The following VPS50 variants were observed in gnomAD, a reference collection of about 807,000 sequenced individuals.
VPS50 encodes VPS50 subunit of EARP/GARPII complex.
In VPS50, 70 loss-of-function variants were observed where a neutral mutation model predicts 139.7. That is an observed-to-expected ratio of 0.50 (90% confidence interval 0.41 to 0.61). The LOEUF (loss-of-function observed/expected upper bound fraction) is 0.61, where lower values mean the gene tolerates loss of function less well. Ranked by LOEUF, VPS50 falls within the 20% of genes least tolerant of loss-of-function variation. The pLI, the probability that VPS50 is intolerant of heterozygous loss-of-function variation, is 0.00. For missense variants in VPS50, 921 were observed against 1,133.7 expected (o/e 0.81, Z 2.69); for synonymous variants, 365 against 376.7 (o/e 0.97, Z 0.36).
intron 9 of VPS50, among the ~76,000 whole-genome samples, chr7:93,263,650 CT>C (rs1795753529): frequency 6.6e-6 from 1 of 152,162 alleles, no homozygotes; most frequent in South Asian, 2.1e-4. Context: ...AGGACTGACT[CT>C]TATGATTCTG....
chr7:93,250,378 T>C (rs1010451508), intron 2 of VPS50, among the ~76,000 whole-genome samples: 1 of 152,164 alleles, frequency 6.6e-6, no homozygotes. Flanking sequence ...TAAAATAATC[T>C]AGAATGTCTC....
chr7:93,251,507 G>T (rs1369709938), intron 2 of VPS50, among the ~76,000 whole-genome samples: 1 of 151,082 alleles, frequency 6.6e-6, no homozygotes, highest in African/African-American at 2.4e-5. Context: ...TCACACACTG[G>T]GGCTTATTGG....
chr7:93,323,803 T>C, intron 21 of VPS50, 71 bp downstream of exon 21: 1 of 788,600 alleles, frequency 1.3e-6, no homozygotes, highest in Non-Finnish European at 1.9e-6. Flanking sequence ...AGTTTTTCAT[T>C]CTCTCTATAG....
At chr7:93,340,051 A>G (rs1415987927) in intron 22 of VPS50, among the ~76,000 whole-genome samples, 2 of 152,164 alleles carry the variant, frequency 1.3e-5, no homozygotes, top group Non-Finnish European at 2.9e-5. Flanking sequence ...TTGGTTATAA[A>G]AGTTCTTAAT....
At position 93,232,473 on chromosome 7, in the gene VPS50, A is replaced by G. The variant is rs915269106; in HGVS notation, c.6A>G (p.Gln2=). The change falls in exon 1 of 28, where the codon CAA becomes CAG. Residue 2 remains glutamine, a synonymous_variant. Transcript: ENST00000305866. M[Q]KIKSLMTRQG... ...ACCCTCCTCAGGATTTCGATATGCA[A>G]AAAATCAAATCTCTCATGACCCGAC... 3.7e-6 allele frequency: 6 copies of G among 1,613,546 alleles called. No individual in the cohort carries two copies. The highest frequency in any genetic ancestry group is 1.7e-5 in the Admixed American group (1 of 60,016).
chr7:93,235,374 T>C (rs1794768283), intron 1 of VPS50, among the ~76,000 whole-genome samples: 2 of 152,054 alleles, frequency 1.3e-5, no homozygotes, highest in Admixed American at 1.3e-4. Flanking sequence ...AATAGAGGAA[T>C]GATATAATTG....
At position 93,270,972 on chromosome 7, in the gene VPS50, G is replaced by GT. The variant is rs996574988; in HGVS notation, c.660-241dup. On this transcript the variant is annotated intron_variant, in intron 9 of 27. Transcript: ENST00000305866. Reference sequence around the variant, plus strand: ...AAAAGTTACCAATTTTAATTCTTCAGTTTTTTTATTTTTATCTGTAGATTC... The same window carrying GT: ...AAAAGTTACCAATTTTAATTCTTCAGTTTTTTTTATTTTTATCTGTAGATTC... 1.3e-5 allele frequency: 5 copies of GT among 393,026 alleles called. No individual in the cohort carries two copies. In the East Asian group the frequency reaches 2.0e-4, roughly 15 times the overall value. The allele number at this position is 393,026 out of a possible 1,614,324, so 24.3% of individuals were successfully genotyped here.
intron 1 of VPS50, among the ~76,000 whole-genome samples, chr7:93,233,391 A>C (rs1352227588): frequency 6.6e-6 from 1 of 152,206 alleles, no homozygotes; most frequent in Non-Finnish European, 1.5e-5. Flanking sequence ...AAGTTTGGAG[A>C]ATGTGGAAGG....
At chr7:93,311,385 G>T in intron 20 of VPS50, 113 bp downstream of exon 20, 2 of 608,488 alleles carry the variant, frequency 3.3e-6, no homozygotes, top group Non-Finnish European at 2.9e-6. Context: ...ATGCAATGAG[G>T]GATTTAAGGT....
intron 9 of VPS50, among the ~76,000 whole-genome samples, chr7:93,263,581 T>G (rs1444036845): frequency 6.6e-6 from 1 of 152,220 alleles, no homozygotes; most frequent in Non-Finnish European, 1.5e-5. Flanking sequence ...GTTTTTGTTT[T>G]TGGTAGAGTG....
chr7:93,324,613 G>A (rs1202520724), intron 21 of VPS50, among the ~76,000 whole-genome samples: 2 of 152,032 alleles, frequency 1.3e-5, no homozygotes, highest in Non-Finnish European at 2.9e-5. Context: ...TATTGAACCA[G>A]CCTTGCAAAA....
intron 16 of VPS50, among the ~76,000 whole-genome samples, chr7:93,301,606 C>T (rs2116963775): frequency 6.6e-6 from 1 of 152,262 alleles, no homozygotes; most frequent in South Asian, 2.1e-4. Context: ...AGACAGGAAG[C>T]AGATTATCCC....
chr7:93,250,026 A>G (rs1048987098), intron 2 of VPS50, among the ~76,000 whole-genome samples: 4 of 151,198 alleles, frequency 2.6e-5, no homozygotes, highest in African/African-American at 4.9e-5. Flanking sequence ...TCTTACTGCA[A>G]TCATAGTAAC....
chr7:93,249,135 A>C (rs1795241954), intron 2 of VPS50, among the ~76,000 whole-genome samples: 1 of 152,126 alleles, frequency 6.6e-6, no homozygotes. Context: ...CTAATTGCTT[A>C]GTTCTTTAGG....
intron 11 of VPS50, 136 bp downstream of exon 11, chr7:93,272,869 G>A: frequency 3.8e-6 from 2 of 524,546 alleles, no homozygotes; most frequent in Non-Finnish European, 6.7e-6. Context: ...TGAATTAACA[G>A]TGATAAAATG....
At chr7:93,336,601 C>T (rs966725736) in intron 22 of VPS50, among the ~76,000 whole-genome samples, 1 of 152,192 alleles carries the variant, frequency 6.6e-6, no homozygotes, top group African/African-American at 2.4e-5. Context: ...GCAACCTCCA[C>T]CTCCCAGGTT....
At chr7:93,321,347 T>A (rs1797607765) in intron 20 of VPS50, among the ~76,000 whole-genome samples, 1 of 152,220 alleles carries the variant, frequency 6.6e-6, no homozygotes, top group Non-Finnish European at 1.5e-5. Flanking sequence ...TCTCTTTTAA[T>A]TCAGTAAGAT....
In VPS50 at chr7:93,297,174, G is replaced by A. The variant is rs778474838; in HGVS notation, c.1292G>A (p.Gly431Asp). 3 of 1,562,984 alleles carry A rather than the reference G, an allele frequency of 1.9e-6. No individual in the cohort carries two copies. The highest frequency in any genetic ancestry group is 1.2e-5 in the South Asian group (1 of 80,080). ...RLMQVGEEFC[G>D]SKSEVLQESI... ...ATGCAAGTTGGAGAAGAATTTTGTGGTAGCAAGTCTGAAGTTTTACAGGAA... is the reference window on the plus strand; with the variant it reads ...ATGCAAGTTGGAGAAGAATTTTGTGATAGCAAGTCTGAAGTTTTACAGGAA... Residue 431 changes from glycine (G) to aspartate (D), a missense_variant, in exon 16 of 28, where the codon GGT (glycine) becomes GAT (aspartate). By Grantham distance (94) the Gly-to-Asp change is moderately conservative (BLOSUM62 -1). Around this residue, in one of 3 missense-constraint regions of VPS50, gnomAD observed 744 missense variants for 930.6 expected, o/e 0.80. Coordinates refer to ENST00000305866, the MANE Select transcript of VPS50 (RefSeq NM_017667.4).
At position 93,232,439 on chromosome 7, in the gene VPS50, A is replaced by G. The variant is rs775238645; in HGVS notation, c.-29A>G. 8 of 1,602,730 alleles carry G rather than the reference A, an allele frequency of 5.0e-6. No individual in the cohort carries two copies. The highest frequency in any genetic ancestry group is 6.0e-6 in the Non-Finnish European group (7 of 1,170,118). ...CTCGGTGTGATTTGTTAGCTCTTTG[A>G]GGCAGGGTACCCTCCTCAGGATTTC... is the stretch of plus-strand genomic sequence containing the variant. On this transcript the variant is annotated 5_prime_UTR_variant, in exon 1 of 28. Coordinates refer to ENST00000305866, the MANE Select transcript of VPS50 (RefSeq NM_017667.4).
Sources: gnomAD v4.1 joint callset for allele counts (sites outside exome capture counted in the v4.1 genomes callset) on GRCh38, gnomAD v4.1.1 for gene constraint, gnomAD v4.1.1 regional missense constraint, MANE v1.5 for transcripts, NCBI Gene and HGNC (gene_info 2026-07-23, HGNC 2026-07-21) for gene names.